Variants in FREM2 observed in about 807,000 individuals in gnomAD.
FREM2 encodes FRAS1 related extracellular matrix 2.
In FREM2, 119 loss-of-function variants were observed where a neutral mutation model predicts 219.9. The observed-to-expected ratio is 0.54, with a 90% CI of 0.47 to 0.63. FREM2 has a LOEUF of 0.63. Ranked by LOEUF, FREM2 falls within the 30% of genes least tolerant of loss-of-function variation. FREM2 has a pLI of 0.00. For missense variants in FREM2, 4,030 were observed against 3,993.6 expected, an observed-to-expected ratio of 1.01 and a Z score of -0.25; for synonymous variants, 1,562 against 1,522.8, an observed-to-expected ratio of 1.03 and a Z score of -0.60.
chr13:38,878,275 G>A lies in FREM2; in HGVS notation c.8813G>A (p.Gly2938Asp). The change falls in exon 22 of 24, where the codon GGC becomes GAC. Residue 2938 changes from glycine to aspartate, a missense_variant. Coordinates refer to ENST00000280481, the MANE Select transcript of FREM2 (RefSeq NM_207361.6). ...TATAGTCCAATGAATGCAGAATATG[G>A]CTGCTTAGCCGACTCTCCTTCACTC... ...PKYSPMNAEY[G>D]CLADSPSLLY... 1 of 1,613,640 alleles carries A rather than the reference G, an allele frequency of 6.2e-7. No homozygotes were observed. Among genetic ancestry groups the A allele is most frequent in the Non-Finnish European group, 8.5e-7 (1 of 1,179,864 alleles).
At chr13:38,872,523 G>A (rs959857490) in intron 16 of FREM2, among the ~76,000 whole-genome samples, 12 of 152,150 alleles carry the variant, frequency 7.9e-5, no homozygotes, top group Non-Finnish European at 1.5e-4. Context: ...AGGATTTCTG[G>A]TACATATCCT....
chr13:38,845,490 A>T (rs1877118891), intron 6 of FREM2, among the ~76,000 whole-genome samples: 1 of 152,182 alleles, frequency 6.6e-6, no homozygotes, highest in Non-Finnish European at 1.5e-5. Context: ...GTCAAGTCAA[A>T]GGGTTGTTCA....
At chr13:38,851,958 C>T in intron 11 of FREM2, 90 bp downstream of exon 11, 1 of 1,190,880 alleles carries the variant, frequency 8.4e-7, no homozygotes, top group Non-Finnish European at 1.2e-6. Context: ...GGGAAACATC[C>T]AATTGAAATC....
intron 6 of FREM2, among the ~76,000 whole-genome samples, chr13:38,841,652 A>G (rs1876969126): frequency 2.0e-5 from 3 of 152,144 alleles, no homozygotes. Flanking sequence ...GCAGCCTTGC[A>G]AAGTCCTTTT....
chr13:38,854,586 C>A (rs186416281), intron 11 of FREM2, among the ~76,000 whole-genome samples: 11 of 152,248 alleles, frequency 7.2e-5, no homozygotes, highest in Admixed American at 6.5e-4. Flanking sequence ...AATGTCACAT[C>A]ATACAGGTCA....
chr13:38,811,874 CAATGCTG>C (rs1005042495), intron 6 of FREM2, among the ~76,000 whole-genome samples: 1 of 152,062 alleles, frequency 6.6e-6, no homozygotes, highest in African/African-American at 2.4e-5. Flanking sequence ...AAGATCTGTC[CAATGCTG>C]AATGTGAAGA....
At position 38,851,000 on chromosome 13, in the gene FREM2, G is replaced by T. The variant is rs764259796; in HGVS notation, c.6634G>T (p.Val2212Leu). 2 of 1,613,766 alleles carry T rather than the reference G, an allele frequency of 1.2e-6. No individual in the cohort carries two copies. Among genetic ancestry groups the T allele is most frequent in the South Asian group, 2.2e-5 (2 of 91,064 alleles). The change falls in exon 10 of 24, where the codon GTA becomes TTA. Residue 2212 changes from valine (V) to leucine (L), a missense_variant. Around this residue, in one of 2 missense-constraint regions of FREM2, gnomAD observed 3,102 missense variants for 2,950.7 expected, o/e 1.05. Coordinates refer to ENST00000280481, the MANE Select transcript of FREM2 (RefSeq NM_207361.6). ...ELMDDVLYEE[V>L]EELRLVLGTP... The stretch of plus-strand genomic sequence containing the variant: ...GATGGACGATGTGCTCTATGAGGAG[G>T]TAGAGGAGCTCCGCCTGGTACTCGG...
intron 4 of FREM2, among the ~76,000 whole-genome samples, chr13:38,773,547 T>C (rs1329000260): frequency 6.6e-6 from 1 of 152,168 alleles, no homozygotes. Flanking sequence ...CACACCACCA[T>C]GCCCAGATAA....
chr13:38,778,237 G>C (rs1873957044), intron 4 of FREM2, among the ~76,000 whole-genome samples: 3 of 152,158 alleles, frequency 2.0e-5, no homozygotes, highest in Admixed American at 1.3e-4. Flanking sequence ...GCCACAGACT[G>C]GGGTGGCTTA....
Position 38,783,293 on chromosome 13 carries a change from C to A in FREM2, c.5767+98C>A, listed in dbSNP as rs572403981. ...ATAACATTTTACCATGAGGGGTATA[C>A]TTTATTAATTTTCCATAGATACAGA... On this transcript the variant is annotated intron_variant, in intron 5 of 23. Coordinates refer to ENST00000280481, the MANE Select transcript of FREM2 (RefSeq NM_207361.6). 5 of 1,280,668 alleles carry A rather than the reference C, an allele frequency of 3.9e-6. No homozygotes were observed. The East Asian group carries it at 7.0e-5, about 18-fold the overall frequency. The allele number at this position is 1,280,668 out of a possible 1,614,324, so 79.3% of individuals were successfully genotyped here. A position where few individuals can be genotyped will look rare whatever the true frequency, so the allele number is the denominator to read the frequency against.
intron 2 of FREM2, among the ~76,000 whole-genome samples, chr13:38,733,083 CTG>C (rs1270437361): frequency 6.6e-6 from 1 of 152,092 alleles, no homozygotes; most frequent in Admixed American, 6.6e-5. Context: ...GAGAGGAAAA[CTG>C]TAAACCATCT....
In FREM2 at chr13:38,688,914, A is replaced by G. The variant is rs1357451142; in HGVS notation, c.1570A>G (p.Arg524Gly). 6.2e-6 allele frequency: 10 copies of G among 1,612,874 alleles called. No homozygotes were observed. Among genetic ancestry groups the G allele is most frequent in the Non-Finnish European group, 8.5e-6 (10 of 1,179,466 alleles). The change falls in exon 1 of 24, where the codon AGA (arginine) becomes GGA (glycine). Residue 524 changes from arginine to glycine, a missense_variant. Physicochemically the swap from Arg to Gly is moderately radical, Grantham distance 125. This residue lies in a region of FREM2 where 3,102 missense variants were observed against 2,950.7 expected (regional missense o/e 1.05). Coordinates refer to ENST00000280481, the MANE Select transcript of FREM2 (RefSeq NM_207361.6). ...CCAGGTGGTCTACCAGCATGATGACAGAGACGGCTCGCTGAGCGACAACCT... is the reference window on the plus strand; with the variant it reads ...CCAGGTGGTCTACCAGCATGATGACGGAGACGGCTCGCTGAGCGACAACCT... The part of the protein sequence containing the change: ...AGQVVYQHDD[R>G]DGSLSDNLVL...
Position 38,688,220 on chromosome 13 carries a change from T to C in FREM2, c.876T>C (p.Pro292=). 1 of 1,613,358 alleles carries C rather than the reference T, an allele frequency of 6.2e-7. No individual in the cohort carries two copies. The change falls in exon 1 of 24, where the codon CCT becomes CCC. Residue 292 remains proline, a synonymous_variant. Transcript: ENST00000280481. ...TGGAGCTGCGTTCACGAGGGGCTCC[T>C]GTGGGCAGCCCTGCTTTGAAACGCG... is the stretch of plus-strand genomic sequence containing the variant. ...MVVELRSRGA[P]VGSPALKREH...
intron 16 of FREM2, among the ~76,000 whole-genome samples, chr13:38,870,486 AAAGTCCTGTGATACAGGCTGAAAG>A (rs1315370948): frequency 6.6e-6 from 1 of 152,156 alleles, no homozygotes; most frequent in East Asian, 1.9e-4. Flanking sequence ...AATACCTCGA[AAAGTCCTGTGATACAGGCTGAAAG>A]AAAATTAAGT....
chr13:38,859,236 G>A (rs377633496), intron 13 of FREM2, 51 bp from the exon 14 acceptor site: 78 of 1,567,354 alleles, frequency 5.0e-5, no homozygotes, highest in Middle Eastern at 3.4e-4. Flanking sequence ...AGAAGAATGC[G>A]TTCCACCTGT....
rs775756671 is a variant in FREM2, at chr13:38,690,007, G to T, written c.2663G>T (p.Gly888Val). ...RVSGQILHVG[G>V]LFHLEDIKQG... ...TCTGGACAGATCCTGCATGTAGGGG[G>T]TCTCTTCCACTTGGAGGACATAAAA... The change falls in exon 1 of 24, where the codon GGT (glycine) becomes GTT (valine). Residue 888 changes from glycine to valine, a missense_variant. Transcript: ENST00000280481. The T allele has an allele frequency of 4.3e-6, 7 of 1,613,890 alleles. No individual in the cohort carries two copies. The East Asian group carries it at 6.7e-5, about 15-fold the overall frequency.
intron 11 of FREM2, among the ~76,000 whole-genome samples, chr13:38,854,679 G>T (rs370577828): frequency 6.6e-6 from 1 of 152,010 alleles, no homozygotes; most frequent in Non-Finnish European, 1.5e-5. Flanking sequence ...GAGACTGATG[G>T]GCTCATTATG....
At chr13:38,713,463 T>A (rs1287651982) in intron 2 of FREM2, among the ~76,000 whole-genome samples, 4 of 152,214 alleles carry the variant, frequency 2.6e-5, no homozygotes, top group Non-Finnish European at 5.9e-5. Flanking sequence ...TATGGCATTA[T>A]TTTTTGTCAC....
intron 11 of FREM2, among the ~76,000 whole-genome samples, chr13:38,855,755 G>A (rs958343987): frequency 1.3e-5 from 2 of 152,064 alleles, no homozygotes; most frequent in Non-Finnish European, 2.9e-5. Context: ...GGTGAGGGGT[G>A]TAAGACTACA....
Sources: allele counts gnomAD v4.1 joint callset (sites outside exome capture counted in the v4.1 genomes callset), GRCh38; gene constraint gnomAD v4.1.1; regional missense constraint gnomAD v4.1.1; transcripts MANE v1.5; gene names NCBI Gene and HGNC (gene_info 2026-07-23, HGNC 2026-07-21).